Variants in LMO2 observed in about 807,000 individuals in gnomAD.
The protein encoded by LMO2 is rhombotin-2.
Under a neutral mutation model 23.2 loss-of-function variants are expected in LMO2, and 20 were observed. That is an observed-to-expected ratio of 0.86 (90% confidence interval 0.61 to 1.25). The LOEUF is 1.25. Among genes scored for constraint, LMO2 ranks in the 50% most tolerant of loss-of-function variants. LMO2 has a pLI of 0.00. For missense variants in LMO2, 270 were observed against 315.3 expected, an observed-to-expected ratio of 0.86 and a Z score of 1.09; for synonymous variants, 123 against 130.2, an observed-to-expected ratio of 0.94 and a Z score of 0.38.
In LMO2 at chr11:33,864,688, G is replaced by A. The variant is rs564497946; in HGVS notation, c.378C>T (p.Cys126=). 206 of 1,614,078 alleles carry A rather than the reference G, an allele frequency of 1.3e-4. 1 individual carries two copies. The South Asian group carries it at 1.6e-3, about 12-fold the overall frequency. The change falls in exon 5 of 6, where the codon TGC becomes TGT. Residue 126 remains cysteine (C), a synonymous_variant. Transcript: ENST00000257818. This position sits in a 1 kb window ranked among gnomAD's most constrained non-coding sequence, Gnocchi z 4.8. Reference sequence around the variant, plus strand: ...CACCCAGCCGGCAGCCACAGAGGTCGCAGCTCAGGCAGTCCTCGTGCCAGT... The same window carrying A: ...CACCCAGCCGGCAGCCACAGAGGTCACAGCTCAGGCAGTCCTCGTGCCAGT... ...DQYWHEDCLS[C]DLCGCRLGEV...
intron 4 of LMO2, among the ~76,000 whole-genome samples, chr11:33,867,413 C>T (rs75437711): frequency 0.025 from 3,737 of 152,240 alleles, 89 homozygotes; most frequent in Non-Finnish European, 0.037. Flanking sequence ...TTGGCTCTGT[C>T]TTTCTATACT....
At position 33,881,889 on chromosome 11, in the gene LMO2, T is replaced by A. The variant is rs1157022076; in HGVS notation, c.-335-2A>T. On this transcript the variant is annotated splice_acceptor_variant, in intron 1 of 5. Transcript: ENST00000257818. LOFTEE classifies it low-confidence loss of function (5UTR_SPLICE). ...ATCTTCTTTTCAGAGCAGTTGTTAC[T>A]GAAAGAAAATGAGAGGAACCCTCTG... 6.4e-6 allele frequency: 1 copy of A among 156,188 alleles called. No homozygotes were observed. Among genetic ancestry groups the A allele is most frequent in the East Asian group, 1.9e-4 (1 of 5,280 alleles). The allele number at this position is 156,188 out of a possible 1,614,324, so 9.7% of individuals were successfully genotyped here. A position where few individuals can be genotyped will look rare whatever the true frequency, so the allele number is the denominator to read the frequency against.
At chr11:33,875,315 C>T (rs960996575) in intron 2 of LMO2, among the ~76,000 whole-genome samples, 10 of 152,176 alleles carry the variant, frequency 6.6e-5, no homozygotes, top group South Asian at 2.1e-4. Flanking sequence ...AGGTGGCTCA[C>T]GCCTATAATC....
chr11:33,878,575 G>A (rs544905001), intron 2 of LMO2, among the ~76,000 whole-genome samples: 46 of 152,342 alleles, frequency 3.0e-4, no homozygotes, highest in African/African-American at 1.1e-3. Flanking sequence ...TTGGAACATA[G>A]TAGGTGCTCA....
At chr11:33,878,889 AC>A (rs1335705012) in intron 2 of LMO2, among the ~76,000 whole-genome samples, 1 of 152,194 alleles carries the variant, frequency 6.6e-6, no homozygotes, top group East Asian at 1.9e-4. Context: ...CTCCCAGGGT[AC>A]TGATATAGAT....
In LMO2 at chr11:33,880,199, C is replaced by T. The variant is rs962618094; in HGVS notation, c.-272+1625G>A. ...ACACATGATATATATATCATATATA[C>T]ACATGATATATATATCATATATACA... On this transcript the variant is annotated intron_variant, in intron 2 of 5. Transcript: ENST00000257818. This position sits in a 1 kb window ranked among gnomAD's most constrained non-coding sequence, Gnocchi z 4.3. 1.0e-3 allele frequency among the ~76,000 whole-genome samples: 148 copies of T among 148,094 alleles called. 7 individuals carry two copies. The East Asian group carries it at 0.026, about 26-fold the overall frequency.
intron 2 of LMO2, among the ~76,000 whole-genome samples, chr11:33,872,184 G>A (rs566645749): frequency 9.9e-4 from 151 of 152,288 alleles, no homozygotes; most frequent in African/African-American, 3.3e-3. Context: ...CCAGCTACTC[G>A]GGAGGCTGAG....
chr11:33,882,917 T>G (rs1857320532), intron 1 of LMO2, among the ~76,000 whole-genome samples: 2 of 152,212 alleles, frequency 1.3e-5, no homozygotes, highest in African/African-American at 4.8e-5. Flanking sequence ...CCAAATTTCC[T>G]ACGTTTGCAT....
chr11:33,872,376 T>TA (rs1857046141), intron 2 of LMO2, among the ~76,000 whole-genome samples: 1 of 152,196 alleles, frequency 6.6e-6, no homozygotes, highest in Non-Finnish European at 1.5e-5. Flanking sequence ...TAAGTTATTG[T>TA]GGGGATTATA....
chr11:33,859,382 AC>A lies in LMO2; in HGVS notation c.657del (p.Glu219AspfsTer8). 6.2e-7 allele frequency: 1 copy of A among 1,613,920 alleles called. No homozygotes were observed. The highest frequency in any genetic ancestry group is 1.1e-5 in the South Asian group (1 of 91,068). On this transcript the variant is annotated frameshift_variant, in exon 6 of 6. Coordinates refer to ENST00000257818, the MANE Select transcript of LMO2 (RefSeq NM_005574.4). LOFTEE classifies it high-confidence loss of function. Reference protein sequence around the residue: ...SDIVCEQDIYEWTKINGMI With the variant: ...SDIVCEQDIYXWTKINGMI ...TATATCATCCCATTGATCTTAGTCCACTCGTAGATGTCCTGTTCGCACACTA... is the reference window on the plus strand; with the variant it reads ...TATATCATCCCATTGATCTTAGTCCATCGTAGATGTCCTGTTCGCACACTA...
intron 1 of LMO2, among the ~76,000 whole-genome samples, chr11:33,887,239 T>C (rs540122479): frequency 2.6e-5 from 4 of 152,200 alleles, no homozygotes; most frequent in Non-Finnish European, 5.9e-5. Flanking sequence ...ATATACATCA[T>C]TGTGGAGTTT....
intron 2 of LMO2, among the ~76,000 whole-genome samples, chr11:33,874,784 C>T (rs2133704978): frequency 6.6e-6 from 1 of 152,364 alleles, no homozygotes; most frequent in East Asian, 1.9e-4. Flanking sequence ...CTCTGCTTCT[C>T]TGCTACACTG....
At chr11:33,879,285 T>A (rs1857206761) in intron 2 of LMO2, among the ~76,000 whole-genome samples, 1 of 152,064 alleles carries the variant, frequency 6.6e-6, no homozygotes, top group African/African-American at 2.4e-5. Context: ...CAGAATGGAA[T>A]AATATATTTA....
chr11:33,863,963 T>G (rs1048903535), intron 5 of LMO2, among the ~76,000 whole-genome samples: 4 of 152,166 alleles, frequency 2.6e-5, no homozygotes, highest in Non-Finnish European at 4.4e-5. Context: ...ATTTTACAGA[T>G]AAGGAAATCG....
intron 2 of LMO2, among the ~76,000 whole-genome samples, chr11:33,876,536 AT>A (rs1335568676): frequency 1.2e-4 from 19 of 152,246 alleles, no homozygotes; most frequent in African/African-American, 4.6e-4. Context: ...CTTGAGCATC[AT>A]TACTGGGAGA....
intron 4 of LMO2, chr11:33,865,113 C>G (rs866440725): frequency 5.8e-5 from 27 of 464,376 alleles, no homozygotes; most frequent in South Asian, 5.2e-4. Flanking sequence ...CCCAGCACTA[C>G]CTGGGCACCT....
At chr11:33,866,483 A>T (rs1187257911) in intron 4 of LMO2, among the ~76,000 whole-genome samples, 2 of 152,136 alleles carry the variant, frequency 1.3e-5, no homozygotes, top group African/African-American at 2.4e-5. Context: ...AAACATATAA[A>T]AAATTGCCCA....
Position 33,864,169 on chromosome 11 carries a change from CA to C in LMO2, c.464+432del, listed in dbSNP as rs1019784641. On this transcript the variant is annotated intron_variant, in intron 5 of 5. Coordinates refer to ENST00000257818, the MANE Select transcript of LMO2 (RefSeq NM_005574.4). This position sits in a 1 kb window ranked among gnomAD's most constrained non-coding sequence, Gnocchi z 4.8. ...CTCATCATATAATACTGGAGTCATA[CA>C]AAAAAAATTTATAACATACATATAT... Among the ~76,000 whole-genome samples, 6 of 151,936 alleles carry C rather than the reference CA, an allele frequency of 3.9e-5. No homozygotes were observed. Among genetic ancestry groups the C allele is most frequent in the African/African-American group, 1.4e-4 (6 of 41,444 alleles).
At chr11:33,886,068 G>C (rs961673356) in intron 1 of LMO2, among the ~76,000 whole-genome samples, 2 of 152,072 alleles carry the variant, frequency 1.3e-5, no homozygotes, top group African/African-American at 4.8e-5. Context: ...AGTAGAGACG[G>C]GGTTTCACCA....
Sources: allele counts gnomAD v4.1 joint callset (sites outside exome capture counted in the v4.1 genomes callset), GRCh38; gene constraint gnomAD v4.1.1; non-coding constraint Gnocchi (gnomAD v3.1); transcripts MANE v1.5; gene names NCBI Gene and HGNC (gene_info 2026-07-23, HGNC 2026-07-21).